Variants in KYAT3 observed in about 807,000 individuals in gnomAD.
The protein encoded by KYAT3 is kynurenine aminotransferase 3, also known as kynurenine--oxoglutarate transaminase 3.
KYAT3 carries 50 observed loss-of-function variants against 59.0 expected under a neutral mutation model. That is an observed-to-expected ratio of 0.85 (90% CI 0.68 to 1.07). The LOEUF is 1.07. Ranked by LOEUF, KYAT3 falls within the 50% of genes least tolerant of loss-of-function variation. The probability of loss-of-function intolerance (pLI) is 0.00; values close to 1 mark genes in which losing one functional copy is unlikely to be tolerated. For missense variants in KYAT3, 497 were observed against 533.3 expected (o/e 0.93, Z 0.67); for synonymous variants, 148 against 177.0 (o/e 0.84, Z 1.30).
At chr1:88,969,332 A>C (rs189743780) in intron 3 of KYAT3, 77 bp downstream of exon 3, 14 of 831,308 alleles carry the variant, frequency 1.7e-5, no homozygotes, top group Non-Finnish European at 2.4e-5. Flanking sequence ...TGGATGAGGC[A>C]AAAAAAACTC....
chr1:88,990,297 C>CA, intron 1 of KYAT3, among the ~76,000 whole-genome samples: 1 of 103,866 alleles, frequency 9.6e-6, no homozygotes, highest in South Asian at 2.8e-4. Flanking sequence ...ACAAAAAACA[C>CA]AAAAAATAAA....
intron 2 of KYAT3, chr1:88,982,735 G>A: frequency 1.2e-6 from 2 of 1,613,940 alleles, no homozygotes; most frequent in East Asian, 2.2e-5. Flanking sequence ...GGCTTGAACT[G>A]CTGTAGGAAT....
chr1:88,984,204 CTTTTTTTTT>C (rs908183722), intron 2 of KYAT3: 170 of 81,744 alleles, frequency 2.1e-3, no homozygotes, highest in Non-Finnish European at 3.0e-3. Context: ...TTTTTTGTTG[CTTTTTTTTT>C]TTTTTTTTTT....
At chr1:88,921,769 G>C in the KYAT3 span, among the ~76,000 whole-genome samples, 1 of 152,150 alleles carries the variant, frequency 6.6e-6, no homozygotes, top group South Asian at 2.1e-4. Flanking sequence ...GGAGACTCAA[G>C]AAGAGCCAAC....
intron 2 of KYAT3, among the ~76,000 whole-genome samples, chr1:88,975,242 G>A (rs902820477): frequency 6.6e-6 from 1 of 152,052 alleles, no homozygotes; most frequent in African/African-American, 2.4e-5. Context: ...TTCTTGAAGC[G>A]AGCGAGACCA....
intron 13 of KYAT3, among the ~76,000 whole-genome samples, chr1:88,936,986 C>T (rs576534334): frequency 5.4e-4 from 82 of 152,330 alleles, no homozygotes; most frequent in Non-Finnish European, 1.0e-3. Context: ...GTGGAGTGAG[C>T]AGGCTGGTCA....
chr1:88,966,435 G>A (rs1301134776), intron 4 of KYAT3, among the ~76,000 whole-genome samples: 2 of 151,984 alleles, frequency 1.3e-5, no homozygotes, highest in African/African-American at 2.4e-5. Context: ...TACAGATCTT[G>A]GATATATTTT....
chr1:88,984,300 T>C (rs915756731), intron 2 of KYAT3, among the ~76,000 whole-genome samples: 1 of 140,208 alleles, frequency 7.1e-6, no homozygotes, highest in African/African-American at 2.7e-5. Flanking sequence ...CTGCAACCTC[T>C]GCCTCCCAGG....
chr1:88,943,373 C>T lies in KYAT3; in HGVS notation c.1192G>A (p.Val398Met), dbSNP rs773726387. The part of the protein sequence containing the change: ...KNNEPYDYKF[V>M]KWMTKHKKLS... Reference sequence around the variant, plus strand: ...ACCTTATGTTTAGTCATCCATTTCACAAACTTATAGTCATAAGGCTCATTA... The same window carrying T: ...ACCTTATGTTTAGTCATCCATTTCATAAACTTATAGTCATAAGGCTCATTA... Residue 398 changes from valine (V) to methionine (M), a missense_variant, in exon 12 of 14, where the codon GTG (valine) becomes ATG (methionine). Physicochemically the swap from Val to Met is conservative, Grantham distance 21. Coordinates refer to ENST00000260508, the MANE Select transcript of KYAT3 (RefSeq NM_001008661.3). 3.8e-6 allele frequency: 6 copies of T among 1,580,812 alleles called. No homozygotes were observed. In the Admixed American group the frequency reaches 1.1e-4, roughly 28 times the overall value.
At chr1:88,984,394 A>G (rs1315969812) in intron 2 of KYAT3, among the ~76,000 whole-genome samples, 1 of 151,742 alleles carries the variant, frequency 6.6e-6, no homozygotes, top group African/African-American at 2.4e-5. Flanking sequence ...TTTGTATTTT[A>G]GTAGAGCAGG....
chr1:88,971,464 T>TG (rs1430308145), intron 2 of KYAT3, among the ~76,000 whole-genome samples: 8 of 151,558 alleles, frequency 5.3e-5, no homozygotes, highest in Admixed American at 5.2e-4. Flanking sequence ...TGTTTCTCAA[T>TG]GTTTTTTTTT....
intron 5 of KYAT3, 33 bp downstream of exon 5, chr1:88,964,796 A>C: frequency 1.2e-5 from 17 of 1,462,284 alleles, no homozygotes; most frequent in Non-Finnish European, 1.6e-5. Flanking sequence ...TAATTGATTA[A>C]TATGGGTATT....
At chr1:88,934,165 G>A (rs1020210427), downstream of KYAT3, among the ~76,000 whole-genome samples, 1 of 152,132 alleles carries the variant, frequency 6.6e-6, no homozygotes, top group African/African-American at 2.4e-5. Flanking sequence ...ATTAAAAATA[G>A]GAGAATCAGC....
the KYAT3 span, among the ~76,000 whole-genome samples, chr1:88,929,397 A>T: frequency 2.6e-5 from 4 of 152,140 alleles, no homozygotes; most frequent in African/African-American, 9.7e-5. Context: ...TCCTGGACCT[A>T]AAGGGTGCCT....
chr1:88,961,541 A>G, intron 6 of KYAT3, 35 bp from the exon 7 acceptor site: 1 of 1,572,348 alleles, frequency 6.4e-7, no homozygotes, highest in Non-Finnish European at 8.7e-7. Flanking sequence ...ATTTAATTCA[A>G]TTAAGTCATG....
chr1:88,930,869 A>C (rs1674892486), downstream of KYAT3, among the ~76,000 whole-genome samples: 1 of 152,300 alleles, frequency 6.6e-6, no homozygotes. Flanking sequence ...AGGAAAGGAA[A>C]GGGAAACAGA....
intron 2 of KYAT3, among the ~76,000 whole-genome samples, chr1:88,975,111 T>G (rs1348178006): frequency 6.6e-6 from 1 of 152,218 alleles, no homozygotes; most frequent in African/African-American, 2.4e-5. Flanking sequence ...GCTTCATTCT[T>G]GAAGTCAGCG....
At chr1:88,984,659 T>C (rs528514188) in intron 2 of KYAT3, among the ~76,000 whole-genome samples, 12 of 152,294 alleles carry the variant, frequency 7.9e-5, no homozygotes, top group East Asian at 1.9e-4. Flanking sequence ...TGAGAGATAA[T>C]GTATTTGGGG....
At chr1:88,983,587 C>T (rs778283160) in intron 2 of KYAT3, 1 of 1,614,102 alleles carries the variant, frequency 6.2e-7, no homozygotes, top group African/African-American at 1.3e-5. Context: ...CTTGTTCCAC[C>T]TTGATGGCTT....
Sources: allele counts gnomAD v4.1 joint callset (sites outside exome capture counted in the v4.1 genomes callset), GRCh38; gene constraint gnomAD v4.1.1; transcripts MANE v1.5; gene names NCBI Gene and HGNC (gene_info 2026-07-23, HGNC 2026-07-21).